Variants in IQSEC3 observed in about 807,000 individuals in gnomAD.
The protein encoded by IQSEC3 is IQ motif and SEC7 domain-containing protein 3.
Under a neutral mutation model 105.4 loss-of-function variants are expected in IQSEC3, and 50 were observed. The ratio of observed to expected loss-of-function variants is 0.47; its 90% CI spans 0.38 to 0.60. IQSEC3 has a LOEUF of 0.60. Among genes scored for constraint, IQSEC3 ranks in the 20% least tolerant of loss-of-function variants. The probability of loss-of-function intolerance (pLI) is 0.00; values close to 1 mark genes in which losing one functional copy is unlikely to be tolerated. For synonymous variants in IQSEC3, 708 were observed against 746.0 expected (o/e 0.95, Z 0.83); for missense variants, 1,415 against 1,630.0 (o/e 0.87, Z 2.27).
intron 9 of IQSEC3, 132 bp from the exon 10 acceptor site, chr12:165,302 A>T: frequency 1.4e-6 from 1 of 710,898 alleles, no homozygotes; most frequent in Admixed American, 2.0e-5. Flanking sequence ...ACATATATGT[A>T]TATCTGTACC....
chr12:127,089 G>A (rs1224721174), intron 3 of IQSEC3, among the ~76,000 whole-genome samples: 2 of 152,238 alleles, frequency 1.3e-5, no homozygotes, highest in East Asian at 3.8e-4. Flanking sequence ...ATCCCAGGGA[G>A]TTGAGTGGAC....
intron 1 of IQSEC3, among the ~76,000 whole-genome samples, chr12:94,664 A>C (rs1400926939): frequency 6.6e-6 from 1 of 152,208 alleles, no homozygotes; most frequent in African/African-American, 2.4e-5. Flanking sequence ...CACATGTGTC[A>C]CTGCAGCTGA....
At chr12:163,225 C>T (rs1866991314) in intron 8 of IQSEC3, among the ~76,000 whole-genome samples, 1 of 83,330 alleles carries the variant, frequency 1.2e-5, no homozygotes, top group Non-Finnish European at 2.4e-5. Context: ...TCCACAGAAC[C>T]GGACCCCTCC....
At chr12:135,681 G>A (rs544483652) in intron 3 of IQSEC3, among the ~76,000 whole-genome samples, 1 of 152,200 alleles carries the variant, frequency 6.6e-6, no homozygotes, top group Non-Finnish European at 1.5e-5. Context: ...TGAAGCTGAA[G>A]CCCCAGACAG....
intron 5 of IQSEC3, among the ~76,000 whole-genome samples, chr12:150,670 A>G (rs1439299468): frequency 2.6e-5 from 4 of 152,238 alleles, no homozygotes; most frequent in African/African-American, 9.6e-5. Flanking sequence ...CCACATAGCA[A>G]CCAGCAATGG....
At chr12:159,394 T>C (rs1273068661) in intron 7 of IQSEC3, among the ~76,000 whole-genome samples, 1 of 152,240 alleles carries the variant, frequency 6.6e-6, no homozygotes, top group African/African-American at 2.4e-5. Context: ...TCCTGGTTCC[T>C]GCATGTCAGA....
intron 11 of IQSEC3, among the ~76,000 whole-genome samples, chr12:166,498 G>A (rs1206705876): frequency 6.6e-6 from 1 of 152,148 alleles, no homozygotes; most frequent in Non-Finnish European, 1.5e-5. Context: ...TCTGTGTCCA[G>A]GTGGTTTACT....
intron 1 of IQSEC3, among the ~76,000 whole-genome samples, chr12:91,157 G>A (rs568399807): frequency 1.6e-4 from 24 of 152,244 alleles, no homozygotes; most frequent in South Asian, 1.0e-3. Context: ...TGGGACTTCC[G>A]GCTTGGCCTC....
rs1866543300 is a variant in IQSEC3 at position 152,519 on chromosome 12, G to C, written c.2154-4506G>C. 6.6e-6 allele frequency among the ~76,000 whole-genome samples: 1 copy of C among 152,200 alleles called. No individual in the cohort carries two copies. Among genetic ancestry groups the C allele is most frequent in the Admixed American group, 6.5e-5 (1 of 15,286 alleles). On this transcript the variant is annotated intron_variant, in intron 5 of 13. Transcript: ENST00000538872. The surrounding 1 kb of genome is among the most constrained non-coding windows in gnomAD (Gnocchi z 4.8). ...TGAGATGTGTGCAGCACGCCTGTAG[G>C]GCTGGCTGTCTAGTGTACTTCAGTC...
chr12:84,055 T>C (rs1488168774), intron 1 of IQSEC3, among the ~76,000 whole-genome samples: 1 of 152,188 alleles, frequency 6.6e-6, no homozygotes, highest in Admixed American at 6.5e-5. Flanking sequence ...TGTGAGCCTC[T>C]TACACCCTGG....
intron 1 of IQSEC3, among the ~76,000 whole-genome samples, chr12:84,721 C>T (rs1188319153): frequency 6.6e-6 from 1 of 152,174 alleles, no homozygotes; most frequent in African/African-American, 2.4e-5. Context: ...TCACCAGAAG[C>T]AAACAGCTGT....
At chr12:169,262 C>T (rs1198263981) in intron 12 of IQSEC3, among the ~76,000 whole-genome samples, 157 bp downstream of exon 12, 6 of 152,194 alleles carry the variant, frequency 3.9e-5, no homozygotes, top group Non-Finnish European at 7.3e-5. Context: ...ATCTCATGAG[C>T]TTTAGTGGTG....
chr12:113,924 G>C (rs1183309257), intron 2 of IQSEC3, among the ~76,000 whole-genome samples: 1 of 152,224 alleles, frequency 6.6e-6, no homozygotes, highest in African/African-American at 2.4e-5. Context: ...GGGAATCACT[G>C]TAATGTGTGG....
chr12:129,232 G>A (rs1243937472), intron 3 of IQSEC3, among the ~76,000 whole-genome samples: 1 of 152,220 alleles, frequency 6.6e-6, no homozygotes, highest in Non-Finnish European at 1.5e-5. Flanking sequence ...CACCTCCAGG[G>A]TGCTGCATAG....
In IQSEC3 at chr12:104,315, T is replaced by C. The variant is rs555436429; in HGVS notation, c.623+5101T>C. ...TCTTTTCAAAGAGCTGCTGCTAGAA[T>C]TTTTTTTAAGCGCTCAAGAGAAATC... is the stretch of plus-strand genomic sequence containing the variant. On this transcript the variant is annotated intron_variant, in intron 2 of 13. Transcript: ENST00000538872. Among the ~76,000 whole-genome samples the C allele has an allele frequency of 3.1e-3, 476 of 152,184 alleles. 5 individuals carry two copies. Among genetic ancestry groups the C allele is most frequent in the Non-Finnish European group, 3.8e-3 (255 of 67,998 alleles).
chr12:113,139 C>T (rs1288974495), intron 2 of IQSEC3, among the ~76,000 whole-genome samples: 2 of 152,144 alleles, frequency 1.3e-5, no homozygotes, highest in African/African-American at 4.8e-5. Flanking sequence ...TAGCGTTTAT[C>T]CTGGGCTTGG....
chr12:93,252 G>C (rs1466065442), intron 1 of IQSEC3, among the ~76,000 whole-genome samples: 1 of 152,182 alleles, frequency 6.6e-6, no homozygotes, highest in Non-Finnish European at 1.5e-5. Context: ...GAGGGTGGTG[G>C]CAGGACCTCA....
Position 109,191 on chromosome 12 carries a change from A to G in IQSEC3, c.623+9977A>G, listed in dbSNP as rs945012193. Among the ~76,000 whole-genome samples the G allele has an allele frequency of 2.6e-5, 4 of 152,334 alleles. No individual in the cohort carries two copies. In the South Asian group the frequency reaches 8.3e-4, roughly 32 times the overall value. On this transcript the variant is annotated intron_variant, in intron 2 of 13. Coordinates refer to ENST00000538872, the MANE Select transcript of IQSEC3 (RefSeq NM_001170738.2). ...AGCATTTAAAAATCCTGTTTCACAT[A>G]AAAAGTCAGAATTCTGGCCTCTGAC...
chr12:142,216 G>A (rs1300782308), intron 5 of IQSEC3: 1 of 152,256 alleles, frequency 6.6e-6, no homozygotes, highest in Admixed American at 6.5e-5. Flanking sequence ...CCTCGCTCCT[G>A]GAGCAGCAAG....
Sources: gnomAD v4.1 joint callset for allele counts (sites outside exome capture counted in the v4.1 genomes callset) on GRCh38, gnomAD v4.1.1 for gene constraint, Gnocchi (gnomAD v3.1) non-coding constraint, MANE v1.5 for transcripts, NCBI Gene and HGNC (gene_info 2026-07-23, HGNC 2026-07-21) for gene names.